The following EMCN variants were observed in gnomAD, a reference collection of about 807,000 sequenced individuals.
The protein encoded by EMCN is MUC-14.
EMCN carries 37 observed loss-of-function variants against 38.4 expected under a neutral mutation model. That is an observed-to-expected ratio of 0.96 (90% CI 0.74 to 1.27). The LOEUF (loss-of-function observed/expected upper bound fraction) is 1.27, where lower values mean the gene tolerates loss of function less well. Among genes scored for constraint, EMCN ranks in the 50% most tolerant of loss-of-function variants. The pLI is 0.00. For synonymous variants in EMCN, 95 were observed against 100.8 expected (o/e 0.94, Z 0.35); for missense variants, 318 against 302.8 (o/e 1.05, Z -0.37).
intron 1 of EMCN, among the ~76,000 whole-genome samples, chr4:100,513,207 G>A (rs6828794): frequency 0.4 from 60,776 of 151,890 alleles, 12,887 homozygotes; most frequent in East Asian, 0.73. Flanking sequence ...ATCAGCAGTG[G>A]AGAAAGAATG....
intron 5 of EMCN, among the ~76,000 whole-genome samples, chr4:100,430,054 T>C (rs1024722987): frequency 6.6e-6 from 1 of 152,174 alleles, no homozygotes; most frequent in African/African-American, 2.4e-5. Context: ...TGAGATATTC[T>C]CACCTCTTCC....
chr4:100,507,910 A>G (rs114812133), intron 1 of EMCN, among the ~76,000 whole-genome samples: 2,766 of 152,284 alleles, frequency 0.018, 75 homozygotes, highest in African/African-American at 0.063. Context: ...AATAACTCTC[A>G]TGACAGAGAA....
chr4:100,511,608 T>C (rs186456546), intron 1 of EMCN, among the ~76,000 whole-genome samples: 134 of 152,322 alleles, frequency 8.8e-4, no homozygotes, highest in Non-Finnish European at 1.7e-3. Flanking sequence ...GTTTAGAATA[T>C]TGTTAAGCTT....
At chr4:100,516,360 G>A (rs1048942566) in intron 1 of EMCN, among the ~76,000 whole-genome samples, 2 of 151,988 alleles carry the variant, frequency 1.3e-5, no homozygotes, top group Non-Finnish European at 2.9e-5. Context: ...TGCCGGCAAA[G>A]TATTGCACTC....
At chr4:100,427,938 G>C (rs1404015017) in intron 5 of EMCN, among the ~76,000 whole-genome samples, 1 of 151,836 alleles carries the variant, frequency 6.6e-6, no homozygotes, top group Non-Finnish European at 1.5e-5. Context: ...TATTCCACAC[G>C]CAATCATCAG....
chr4:100,505,005 G>A (rs1054970757), intron 1 of EMCN, among the ~76,000 whole-genome samples: 3 of 152,222 alleles, frequency 2.0e-5, no homozygotes. Context: ...AGTACTAAAA[G>A]TCTCTGATAT....
chr4:100,472,396 AAAT>A (rs1282667291), intron 3 of EMCN, among the ~76,000 whole-genome samples: 1 of 152,028 alleles, frequency 6.6e-6, no homozygotes, highest in African/African-American at 2.4e-5. Context: ...TATTAGGAAT[AAAT>A]TTTACAAAAA....
intron 1 of EMCN, among the ~76,000 whole-genome samples, chr4:100,481,413 A>G (rs9995324): frequency 0.027 from 4,098 of 152,222 alleles, 173 homozygotes; most frequent in African/African-American, 0.092. Context: ...CTTTATAGAT[A>G]GCACATAGAA....
intron 7 of EMCN, among the ~76,000 whole-genome samples, chr4:100,421,840 GA>G (rs1726898155): frequency 6.6e-6 from 1 of 151,924 alleles, no homozygotes; most frequent in Non-Finnish European, 1.5e-5. Flanking sequence ...CTTAAAACTA[GA>G]AAAGGCATAA....
At chr4:100,423,907 C>G (rs1726970856) in intron 5 of EMCN, among the ~76,000 whole-genome samples, 1 of 151,536 alleles carries the variant, frequency 6.6e-6, no homozygotes, top group East Asian at 1.9e-4. Context: ...TCAAAGAAGA[C>G]TCCTTCATTT....
intron 5 of EMCN, among the ~76,000 whole-genome samples, chr4:100,431,441 G>A (rs1037583877): frequency 6.6e-6 from 1 of 152,132 alleles, no homozygotes; most frequent in Non-Finnish European, 1.5e-5. Context: ...CTGACTGGTT[G>A]CCTCTCGTCC....
At chr4:100,508,306 G>A (rs924597819) in intron 1 of EMCN, among the ~76,000 whole-genome samples, 7 of 152,116 alleles carry the variant, frequency 4.6e-5, no homozygotes, top group Admixed American at 2.0e-4. Flanking sequence ...TCAGTATGCT[G>A]GCTTGTCACA....
intron 11 of EMCN, among the ~76,000 whole-genome samples, chr4:100,403,141 G>A (rs1044734865): frequency 6.6e-6 from 1 of 151,974 alleles, no homozygotes; most frequent in African/African-American, 2.4e-5. Flanking sequence ...GGCATTGCAC[G>A]TCATAGGGGT....
chr4:100,419,702 C>G (rs994682623), intron 8 of EMCN, among the ~76,000 whole-genome samples: 2 of 152,056 alleles, frequency 1.3e-5, no homozygotes, highest in African/African-American at 4.8e-5. Flanking sequence ...AGAAATTAAA[C>G]TGACTTATAA....
At chr4:100,497,415 C>T (rs1423359696) in intron 1 of EMCN, among the ~76,000 whole-genome samples, 2 of 151,516 alleles carry the variant, frequency 1.3e-5, no homozygotes, top group African/African-American at 4.9e-5. Context: ...CTCGCCCTGT[C>T]GCCCAGGCTG....
At chr4:100,436,337 C>T (rs1351078087) in intron 5 of EMCN, among the ~76,000 whole-genome samples, 3 of 151,992 alleles carry the variant, frequency 2.0e-5, no homozygotes, top group Admixed American at 6.6e-5. Context: ...GTCAGAATCA[C>T]GATTGTTAAA....
chr4:100,435,665 G>T lies in EMCN; in HGVS notation c.415+11868C>A, dbSNP rs986076710. On this transcript the variant is annotated intron_variant, in intron 5 of 11. Coordinates refer to ENST00000296420, the MANE Select transcript of EMCN (RefSeq NM_016242.4). Reference sequence around the variant, plus strand: ...ACAGTAACCAAAGCAGCATGGTACTGGTACAAAAACATGCACATAGACCAA... The same window carrying T: ...ACAGTAACCAAAGCAGCATGGTACTTGTACAAAAACATGCACATAGACCAA... Among the ~76,000 whole-genome samples, 4 of 152,054 alleles carry T rather than the reference G, an allele frequency of 2.6e-5. No homozygotes were observed. The South Asian group carries it at 8.3e-4, about 32-fold the overall frequency.
chr4:100,482,073 T>G (rs952471272), intron 1 of EMCN, among the ~76,000 whole-genome samples: 1 of 152,138 alleles, frequency 6.6e-6, no homozygotes. Context: ...TTCAGTCTGG[T>G]AGGAAATATA....
intron 4 of EMCN, among the ~76,000 whole-genome samples, chr4:100,455,122 G>T (rs1727973592): frequency 1.3e-5 from 2 of 151,318 alleles, no homozygotes; most frequent in South Asian, 2.1e-4. Flanking sequence ...TTTTTTTCTT[G>T]TTTATTGCCT....
Sources: gnomAD v4.1 joint callset for allele counts (sites outside exome capture counted in the v4.1 genomes callset) on GRCh38, gnomAD v4.1.1 for gene constraint, MANE v1.5 for transcripts, NCBI Gene and HGNC (gene_info 2026-07-23, HGNC 2026-07-21) for gene names.